TAS2R19: variants seen among roughly 807,000 people sequenced by gnomAD.
TAS2R19 encodes taste 2 receptor member 19.
For synonymous variants in TAS2R19, 108 were observed against 123.4 expected, an observed-to-expected ratio of 0.87 and a Z score of 0.83; for missense variants, 336 against 342.4, an observed-to-expected ratio of 0.98 and a Z score of 0.15.
In TAS2R19 at chr12:11,022,440, A is replaced by T; in HGVS notation, c.132T>A (p.Ala44=). ...CCACCAGAGCAGTGAGAATTTGCTCAGCTGAGGAGATCTTTCGTGTGTTAA... is the reference window on the plus strand; with the variant it reads ...CCACCAGAGCAGTGAGAATTTGCTCTGCTGAGGAGATCTTTCGTGTGTTAA... The part of the protein sequence containing the change: ...DWVNTRKISS[A]EQILTALVVS... Residue 44 remains alanine, a synonymous_variant, in exon 1 of 1, where the codon GCT becomes GCA. Coordinates refer to ENST00000390673, the MANE Select transcript of TAS2R19 (RefSeq NM_176888.2). 1 of 1,614,148 alleles carries T rather than the reference A, an allele frequency of 6.2e-7. No individual in the cohort carries two copies.
Position 11,021,867 on chromosome 12 carries a change from G to T in TAS2R19, c.705C>A (p.Leu235=). 6.7e-7 allele frequency: 1 copy of T among 1,495,490 alleles called. No homozygotes were observed. The highest frequency in any genetic ancestry group is 9.0e-7 in the Non-Finnish European group (1 of 1,114,916). 92.6% of individuals were successfully genotyped at this position (1,495,490 alleles called of 1,614,324 possible). The change falls in exon 1 of 1, where the codon CTC becomes CTA. Residue 235 remains leucine, a synonymous_variant. Coordinates refer to ENST00000390673, the MANE Select transcript of TAS2R19 (RefSeq NM_176888.2). ...ACAGAAAGTAAATGGCAAATAACATGAGGAAGGAGGTCACAGTTTGCAAAG... is the reference window on the plus strand; with the variant it reads ...ACAGAAAGTAAATGGCAAATAACATTAGGAAGGAGGTCACAGTTTGCAAAG... The part of the protein sequence containing the change: ...IKALQTVTSF[L]MLFAIYFLCI...
rs769349829 is a variant in TAS2R19, at chr12:11,022,601, G to A, written c.-30C>T. ...GAACAGATAAAAAAATGCAGGCTTA[G>A]TAACACTTGTTCTGAGTCCTTTAAC... is the stretch of plus-strand genomic sequence containing the variant. On this transcript the variant is annotated 5_prime_UTR_variant, in exon 1 of 1. Transcript: ENST00000390673. The A allele has an allele frequency of 1.3e-6, 2 of 1,507,556 alleles. No homozygotes were observed. Among genetic ancestry groups the A allele is most frequent in the African/African-American group, 1.4e-5 (1 of 72,766 alleles). The allele number at this position is 1,507,556 out of a possible 1,614,324, so 93.4% of individuals were successfully genotyped here.
Position 11,021,981 on chromosome 12 carries a change from C to T in TAS2R19, c.591G>A (p.Leu197=), listed in dbSNP as rs983623900. The part of the protein sequence containing the change: ...PFTLSLICFL[L]LICSLCKHLK... ...GATGTTTACAAAGAGAACAGATTAA[C>T]AGCAGAAAACATATTAGGCTCAGAG... Residue 197 remains leucine (L), a synonymous_variant, in exon 1 of 1, where the codon CTG becomes CTA. Coordinates refer to ENST00000390673, the MANE Select transcript of TAS2R19 (RefSeq NM_176888.2). 1.2e-6 allele frequency: 2 copies of T among 1,600,238 alleles called. No homozygotes were observed. The highest frequency in any genetic ancestry group is 1.4e-5 in the African/African-American group (1 of 72,606).
rs745936664 is a variant in TAS2R19, at chr12:11,022,426, G to A, written c.146C>T (p.Thr49Ile). 3.5e-5 allele frequency: 56 copies of A among 1,614,050 alleles called. No homozygotes were observed. The African/African-American group carries it at 5.6e-4, about 16-fold the overall frequency. ...ACCAATTCTGGAGACCACCAGAGCA[G>A]TGAGAATTTGCTCAGCTGAGGAGAT... ...RKISSAEQIL[T>I]ALVVSRIGLL... Residue 49 changes from threonine (T) to isoleucine (I), a missense_variant, in exon 1 of 1, where the codon ACT becomes ATT. Physicochemically the swap from Thr to Ile is moderately conservative, Grantham distance 89. Coordinates refer to ENST00000390673, the MANE Select transcript of TAS2R19 (RefSeq NM_176888.2).
chr12:11,021,756 AG>A, the TAS2R19 span: 1 of 1,614,224 alleles, frequency 6.2e-7, no homozygotes, highest in East Asian at 2.2e-5. Context: ...AGTGGAATGA[AG>A]GATACATGAT....
At position 11,021,718 on chromosome 12, in the gene TAS2R19, T is replaced by C; in HGVS notation, c.854A>G (p.Lys285Arg). The C allele has an allele frequency of 1.2e-6, 2 of 1,614,052 alleles. No homozygotes were observed. Among genetic ancestry groups the C allele is most frequent in the Non-Finnish European group, 1.7e-6 (2 of 1,179,874 alleles). Residue 285 changes from lysine (K) to arginine (R), a missense_variant, in exon 1 of 1, where the codon AAG becomes AGG. Physicochemically the swap from Lys to Arg is conservative, Grantham distance 26 (BLOSUM62 2). Transcript: ENST00000390673. The stretch of plus-strand genomic sequence containing the variant: ...AACTGAAAGAAAGGTCTGTTTTAGC[T>C]TCCTACTTCCCATAATCAGGATGAA... ...HSFILIMGSR[K>R]LKQTFLSVLW...
At position 11,021,654 on chromosome 12, in the gene TAS2R19, G is replaced by C. The variant is rs1941634877; in HGVS notation, c.*18C>G. The stretch of plus-strand genomic sequence containing the variant: ...TCCCCTTGTGAATCTATGGAGTTGA[G>C]GGTTTCTCTTCTTTCACTCAGCGTG... On this transcript the variant is annotated 3_prime_UTR_variant, in exon 1 of 1. Coordinates refer to ENST00000390673, the MANE Select transcript of TAS2R19 (RefSeq NM_176888.2). 19 of 1,597,302 alleles carry C rather than the reference G, an allele frequency of 1.2e-5. No homozygotes were observed. The highest frequency in any genetic ancestry group is 1.7e-5 in the Admixed American group (1 of 59,328).
In TAS2R19 at chr12:11,021,652, G is replaced by A. The variant is rs1164342699; in HGVS notation, c.*20C>T. The A allele has an allele frequency of 6.3e-7, 1 of 1,595,650 alleles. No individual in the cohort carries two copies. The highest frequency in any genetic ancestry group is 8.6e-7 in the Non-Finnish European group (1 of 1,167,340). ...GCTCCCCTTGTGAATCTATGGAGTT[G>A]AGGGTTTCTCTTCTTTCACTCAGCG... On this transcript the variant is annotated 3_prime_UTR_variant, in exon 1 of 1. Coordinates refer to ENST00000390673, the MANE Select transcript of TAS2R19 (RefSeq NM_176888.2).
chr12:11,022,518 A>G lies in TAS2R19; in HGVS notation c.54T>C (p.Val18=). Residue 18 remains valine, a synonymous_variant, in exon 1 of 1, where the codon GTT becomes GTC. Coordinates refer to ENST00000390673, the MANE Select transcript of TAS2R19 (RefSeq NM_176888.2). ...ISSILVVFAF[V]LGNVANGFIA... is the part of the protein sequence containing the mutation. Reference sequence around the variant, plus strand: ...TGAAGCCATTGGCAACATTTCCAAGAACAAATGCAAACACTACCAGAATTG... The same window carrying G: ...TGAAGCCATTGGCAACATTTCCAAGGACAAATGCAAACACTACCAGAATTG... 1 of 1,613,742 alleles carries G rather than the reference A, an allele frequency of 6.2e-7. No homozygotes were observed.
Position 11,022,421 on chromosome 12 carries a change from G to C in TAS2R19, c.151C>G (p.Leu51Val), listed in dbSNP as rs1941698694. The change falls in exon 1 of 1, where the codon CTG becomes GTG. Residue 51 changes from leucine (L) to valine (V), a missense_variant. By Grantham distance (32) the Leu-to-Val change is conservative (BLOSUM62 1). Transcript: ENST00000390673. ...AGTAAACCAATTCTGGAGACCACCA[G>C]AGCAGTGAGAATTTGCTCAGCTGAG... ...ISSAEQILTA[L>V]VVSRIGLLWV... 1.9e-6 allele frequency: 3 copies of C among 1,614,148 alleles called. No homozygotes were observed. Among genetic ancestry groups the C allele is most frequent in the Admixed American group, 3.3e-5 (2 of 60,018 alleles).
rs755104738 is a variant in TAS2R19 at position 11,021,764 on chromosome 12, T to C, written c.808A>G (p.Met270Val). 1.9e-6 allele frequency: 3 copies of C among 1,614,228 alleles called. No homozygotes were observed. Among genetic ancestry groups the C allele is most frequent in the Non-Finnish European group, 2.5e-6 (3 of 1,180,000 alleles). The change falls in exon 1 of 1, where the codon ATG becomes GTG. Residue 270 changes from methionine (M) to valine (V), a missense_variant. By Grantham distance (21) the Met-to-Val change is conservative. Coordinates refer to ENST00000390673, the MANE Select transcript of TAS2R19 (RefSeq NM_176888.2). ...VLLLCQTVAI[M>V]YPSFHSFILI... ...ATGAATGAGTGGAATGAAGGATACA[T>C]GATTGCAACAGTTTGGCAAAGCAGG...
chr12:11,022,501 T>G lies in TAS2R19; in HGVS notation c.71A>C (p.Asn24Thr), dbSNP rs202028593. ...GACATTTACTAGGGCTATGAAGCCA[T>G]TGGCAACATTTCCAAGAACAAATGC... ...VFAFVLGNVA[N>T]GFIALVNVID... Residue 24 changes from asparagine (N) to threonine (T), a missense_variant, in exon 1 of 1, where the codon AAT (asparagine) becomes ACT (threonine). Coordinates refer to ENST00000390673, the MANE Select transcript of TAS2R19 (RefSeq NM_176888.2). 2 of 1,613,766 alleles carry G rather than the reference T, an allele frequency of 1.2e-6. No individual in the cohort carries two copies. Among genetic ancestry groups the G allele is most frequent in the Non-Finnish European group, 1.7e-6 (2 of 1,179,710 alleles).
In TAS2R19 at chr12:11,021,973, C is replaced by T; in HGVS notation, c.599G>A (p.Cys200Tyr). ...CTTCTTGAGATGTTTACAAAGAGAA[C>T]AGATTAACAGCAGAAAACATATTAG... ...LSLICFLLLI[C>Y]SLCKHLKKMR... Residue 200 changes from cysteine to tyrosine, a missense_variant, in exon 1 of 1, where the codon TGT becomes TAT. Coordinates refer to ENST00000390673, the MANE Select transcript of TAS2R19 (RefSeq NM_176888.2). The T allele has an allele frequency of 6.2e-7, 1 of 1,614,060 alleles. No individual in the cohort carries two copies. Among genetic ancestry groups the T allele is most frequent in the East Asian group, 2.2e-5 (1 of 44,876 alleles).
At position 11,022,551 on chromosome 12, in the gene TAS2R19, G is replaced by C. The variant is rs142814206; in HGVS notation, c.21C>G (p.Ile7Met). 12 of 1,611,124 alleles carry C rather than the reference G, an allele frequency of 7.4e-6. No homozygotes were observed. The highest frequency in any genetic ancestry group is 1.3e-5 in the African/African-American group (1 of 74,990). Residue 7 changes from isoleucine to methionine, a missense_variant, in exon 1 of 1, where the codon ATC (isoleucine) becomes ATG (methionine). Ile to Met is a conservative substitution (Grantham distance 10, BLOSUM62 1). Transcript: ENST00000390673. Reference protein sequence around the residue: MMCFLLIISSILVVFAF... With the variant: MMCFLLMISSILVVFAF... Reference sequence around the variant, plus strand: ...CAAACACTACCAGAATTGATGAAATGATGAGCAGAAAACACATCATGTTTG... The same window carrying C: ...CAAACACTACCAGAATTGATGAAATCATGAGCAGAAAACACATCATGTTTG...
chr12:11,022,223 T>A lies in TAS2R19; in HGVS notation c.349A>T (p.Ile117Phe). ...ATTCTCTTCTTTAGGTGGAGAGAAA[T>A]AAGGTTGGAGAAATTGGCAATCTTG... is the stretch of plus-strand genomic sequence containing the variant. ...LLKIANFSNL[I>F]SLHLKKRIKS... Residue 117 changes from isoleucine to phenylalanine, a missense_variant, in exon 1 of 1, where the codon ATT becomes TTT. Physicochemically the swap from Ile to Phe is conservative, Grantham distance 21. Coordinates refer to ENST00000390673, the MANE Select transcript of TAS2R19 (RefSeq NM_176888.2). The A allele has an allele frequency of 6.2e-7, 1 of 1,614,092 alleles. No homozygotes were observed. Among genetic ancestry groups the A allele is most frequent in the Non-Finnish European group, 8.5e-7 (1 of 1,179,976 alleles).
chr12:11,022,424 C>A lies in TAS2R19; in HGVS notation c.148G>T (p.Ala50Ser). The A allele has an allele frequency of 6.2e-7, 1 of 1,614,088 alleles. No homozygotes were observed. ...KISSAEQILT[A>S]LVVSRIGLLW... The stretch of plus-strand genomic sequence containing the variant: ...AAACCAATTCTGGAGACCACCAGAG[C>A]AGTGAGAATTTGCTCAGCTGAGGAG... Residue 50 changes from alanine to serine, a missense_variant, in exon 1 of 1, where the codon GCT becomes TCT. Transcript: ENST00000390673.
Position 11,022,372 on chromosome 12 carries a change from T to G in TAS2R19, c.200A>C (p.Tyr67Ser). ...GLLWVMLFLW[Y>S]ATVFNSALYG... ...TAAAGCAGAATTAAACACAGTTGCA[T>G]ACCAAAGGAATAACATGACCCAGAG... The change falls in exon 1 of 1, where the codon TAT (tyrosine) becomes TCT (serine). Residue 67 changes from tyrosine (Y) to serine (S), a missense_variant. Transcript: ENST00000390673. The G allele has an allele frequency of 6.2e-7, 1 of 1,613,828 alleles. No individual in the cohort carries two copies. Among genetic ancestry groups the G allele is most frequent in the Non-Finnish European group, 8.5e-7 (1 of 1,179,904 alleles).
rs75356565 is a variant in TAS2R19, at chr12:11,022,116, T to A, written c.456A>T (p.Arg152Ser). 0.017 allele frequency: 26,456 copies of A among 1,559,058 alleles called. 248 individuals carry two copies. Among genetic ancestry groups the A allele is most frequent in the Middle Eastern group, 0.035 (205 of 5,902 alleles). ...CNLAVITMDERVWTKEYEGNV... is the reference protein window; with the variant it reads ...CNLAVITMDESVWTKEYEGNV... ...TTCCTTCATATTCTTTTGTCCACAC[T>A]CTCTCATCCATGGTTATCACAGCAA... Residue 152 changes from arginine (R) to serine (S), a missense_variant, in exon 1 of 1, where the codon AGA (arginine) becomes AGT (serine). Physicochemically the swap from Arg to Ser is moderately radical, Grantham distance 110. Transcript: ENST00000390673.
Position 11,022,599 on chromosome 12 carries a change from T to C in TAS2R19, c.-28A>G. On this transcript the variant is annotated 5_prime_UTR_variant, in exon 1 of 1. Transcript: ENST00000390673. ...TTGAACAGATAAAAAAATGCAGGCT[T>C]AGTAACACTTGTTCTGAGTCCTTTA... 6 of 1,514,696 alleles carry C rather than the reference T, an allele frequency of 4.0e-6. No homozygotes were observed. Among genetic ancestry groups the C allele is most frequent in the Non-Finnish European group, 5.4e-6 (6 of 1,111,608 alleles). The allele number at this position is 1,514,696 out of a possible 1,614,324, so 93.8% of individuals were successfully genotyped here. A position where few individuals can be genotyped will look rare whatever the true frequency, so the allele number is the denominator to read the frequency against.
Sources: gnomAD v4.1 joint callset for allele counts on GRCh38, gnomAD v4.1.1 for gene constraint, MANE v1.5 for transcripts, NCBI Gene and HGNC (gene_info 2026-07-23, HGNC 2026-07-21) for gene names.